LRRC4C: variants seen among roughly 807,000 people sequenced by gnomAD.
LRRC4C encodes leucine rich repeat containing 4C.
A neutral mutation model predicts 33.6 loss-of-function variants in LRRC4C; 5 were observed. The observed-to-expected ratio is 0.15, with a 90% CI of 0.08 to 0.31. The LOEUF is 0.31. Ranked by LOEUF, LRRC4C falls within the 10% of genes least tolerant of loss-of-function variation. The pLI, the probability that LRRC4C is intolerant of heterozygous loss-of-function variation, is 1.00. For synonymous variants in LRRC4C, 329 were observed against 302.0 expected (o/e 1.09, Z -0.93); for missense variants, 560 against 796.7 (o/e 0.70, Z 3.58).
chr11:40,311,822 G>A (rs1299102210), intron 4 of LRRC4C, among the ~76,000 whole-genome samples: 2 of 151,760 alleles, frequency 1.3e-5, no homozygotes, highest in Non-Finnish European at 2.9e-5. Context: ...GCATGTGCCT[G>A]TAGTCCCAGC....
chr11:41,260,259 C>A (rs1257282437), intron 1 of LRRC4C, among the ~76,000 whole-genome samples: 1 of 151,932 alleles, frequency 6.6e-6, no homozygotes, highest in East Asian at 1.9e-4. Context: ...ACTGAGAACT[C>A]ACAAAAGTTT....
chr11:40,226,189 T>C (rs965687), intron 5 of LRRC4C, among the ~76,000 whole-genome samples: 116,941 of 152,126 alleles, frequency 0.77, 49,087 homozygotes, highest in East Asian at 0.96. Flanking sequence ...AATCTCAACT[T>C]ATCTTGTTCA....
At chr11:40,410,030 A>C (rs1388212430) in intron 3 of LRRC4C, among the ~76,000 whole-genome samples, 2 of 152,080 alleles carry the variant, frequency 1.3e-5, no homozygotes, top group African/African-American at 4.8e-5. Context: ...TCTACAAATA[A>C]AGTTTTATTG....
chr11:40,832,318 G>T (rs1009875030), intron 2 of LRRC4C, among the ~76,000 whole-genome samples: 1 of 152,098 alleles, frequency 6.6e-6, no homozygotes, highest in Non-Finnish European at 1.5e-5. Flanking sequence ...ATTATGTGGT[G>T]CATGCCTGTA....
At chr11:40,768,887 G>C (rs923558818) in intron 2 of LRRC4C, among the ~76,000 whole-genome samples, 19 of 152,014 alleles carry the variant, frequency 1.2e-4, no homozygotes, top group African/African-American at 4.6e-4. Flanking sequence ...ATACTGAATG[G>C]AGAAAATACT....
At chr11:40,769,293 A>C (rs1043104755) in intron 2 of LRRC4C, among the ~76,000 whole-genome samples, 8 of 152,146 alleles carry the variant, frequency 5.3e-5, no homozygotes, top group African/African-American at 1.9e-4. Context: ...AATCTGTACA[A>C]TGGAAACTAT....
chr11:40,447,280 C>G (rs889423964), intron 3 of LRRC4C: 4 of 152,696 alleles, frequency 2.6e-5, no homozygotes, highest in African/African-American at 9.6e-5. Flanking sequence ...CTGGAGACAT[C>G]ATTTCTTCTT....
intron 2 of LRRC4C, among the ~76,000 whole-genome samples, chr11:40,825,206 T>C (rs1952106932): frequency 6.6e-6 from 1 of 151,998 alleles, no homozygotes; most frequent in South Asian, 2.1e-4. Flanking sequence ...AGTACCTACA[T>C]TGAATCATCA....
chr11:40,257,306 C>A (rs1027322980), intron 4 of LRRC4C, among the ~76,000 whole-genome samples: 1 of 152,032 alleles, frequency 6.6e-6, no homozygotes, highest in African/African-American at 2.4e-5. Context: ...TCCTTCCTCT[C>A]GTTCTTTCTT....
intron 1 of LRRC4C, among the ~76,000 whole-genome samples, chr11:41,007,842 G>A (rs1854876910): frequency 6.6e-6 from 1 of 151,996 alleles, no homozygotes; most frequent in Non-Finnish European, 1.5e-5. Context: ...ACTTAATACA[G>A]CTATTACAGA....
At chr11:40,827,075 G>A (rs1430281473) in intron 2 of LRRC4C, among the ~76,000 whole-genome samples, 1 of 151,718 alleles carries the variant, frequency 6.6e-6, no homozygotes, top group Non-Finnish European at 1.5e-5. Flanking sequence ...TAAAGTTAAA[G>A]TTTTTGATTC....
intron 1 of LRRC4C, among the ~76,000 whole-genome samples, chr11:41,274,222 G>A (rs1000824889): frequency 1.3e-5 from 2 of 152,174 alleles, no homozygotes; most frequent in Non-Finnish European, 1.5e-5. Context: ...GAGGCACTTC[G>A]AGTTTCATTT....
chr11:41,030,073 AT>A (rs1856620461), intron 1 of LRRC4C, among the ~76,000 whole-genome samples: 1 of 151,876 alleles, frequency 6.6e-6, no homozygotes, highest in Admixed American at 6.6e-5. Flanking sequence ...TGGTATGTAC[AT>A]TTTGCAATTC....
At chr11:40,511,840 T>C (rs1955331341) in intron 3 of LRRC4C, among the ~76,000 whole-genome samples, 2 of 152,140 alleles carry the variant, frequency 1.3e-5, no homozygotes, top group South Asian at 4.1e-4. Flanking sequence ...GGCCTTTCCA[T>C]CAGTAATTTT....
chr11:40,154,040 C>T (rs1858449629), intron 5 of LRRC4C, among the ~76,000 whole-genome samples: 1 of 152,052 alleles, frequency 6.6e-6, no homozygotes, highest in Non-Finnish European at 1.5e-5. Flanking sequence ...ACAGAGGCAC[C>T]AGGTAACCTA....
intron 1 of LRRC4C, among the ~76,000 whole-genome samples, chr11:41,291,734 T>C (rs1230526053): frequency 6.6e-6 from 1 of 152,150 alleles, no homozygotes; most frequent in Non-Finnish European, 1.5e-5. Flanking sequence ...AGATCTTAGA[T>C]TGAGGAGAAT....
chr11:41,437,270 C>G (rs954741479), intron 1 of LRRC4C, among the ~76,000 whole-genome samples: 2 of 152,158 alleles, frequency 1.3e-5, no homozygotes, highest in Non-Finnish European at 2.9e-5. Flanking sequence ...ATGGTGTCAA[C>G]GTAGTTAGTT....
chr11:40,988,713 C>CTTTTTTTTTTTTTT (rs869034558), intron 1 of LRRC4C, among the ~76,000 whole-genome samples: 9 of 57,736 alleles, frequency 1.6e-4, no homozygotes, highest in East Asian at 7.3e-4. Context: ...CTTTTCTTTT[C>CTTTTTTTTTTTTTT]TTTTTTTTTT....
chr11:40,239,325 T>A (rs1422336662), intron 5 of LRRC4C, among the ~76,000 whole-genome samples: 1 of 152,162 alleles, frequency 6.6e-6, no homozygotes, highest in African/African-American at 2.4e-5. Flanking sequence ...GAACCTATCT[T>A]CTTTTTTGAT....
Sources: allele counts gnomAD v4.1 joint callset (sites outside exome capture counted in the v4.1 genomes callset), GRCh38; gene constraint gnomAD v4.1.1; transcripts MANE v1.5; gene names NCBI Gene and HGNC (gene_info 2026-07-23, HGNC 2026-07-21).